TENM2: variants seen among roughly 807,000 people sequenced by gnomAD.
TENM2 encodes teneurin-2.
TENM2 carries 52 observed loss-of-function variants against 245.2 expected under a neutral mutation model. The observed-to-expected ratio is 0.21, with a 90% confidence interval of 0.17 to 0.27. The LOEUF (loss-of-function observed/expected upper bound fraction) is 0.27. Among genes scored for constraint, TENM2 ranks in the 10% least tolerant of loss-of-function variants. TENM2 has a pLI of 1.00. For synonymous variants in TENM2, 1,363 were observed against 1,438.9 expected (o/e 0.95, Z 1.19); for missense variants, 3,046 against 3,666.8 (o/e 0.83, Z 4.37).
intron 2 of TENM2, among the ~76,000 whole-genome samples, chr5:167,467,093 G>C (rs762931855): frequency 6.6e-6 from 1 of 152,018 alleles, no homozygotes; most frequent in African/African-American, 2.4e-5. Flanking sequence ...TAGTATCCCC[G>C]CTGAAATCTC....
At chr5:167,492,706 G>A (rs1321369287) in intron 2 of TENM2, among the ~76,000 whole-genome samples, 3 of 152,022 alleles carry the variant, frequency 2.0e-5, no homozygotes, top group African/African-American at 7.2e-5. Context: ...AAAAAACCTG[G>A]GGACACAACC....
intron 2 of TENM2, among the ~76,000 whole-genome samples, chr5:167,448,429 A>G (rs1765363396): frequency 6.6e-6 from 1 of 151,534 alleles, no homozygotes; most frequent in Non-Finnish European, 1.5e-5. Flanking sequence ...TTCTTGTTTA[A>G]TGGGAGAACA....
intron 5 of TENM2, among the ~76,000 whole-genome samples, chr5:168,002,183 C>T (rs1784460363): frequency 6.6e-6 from 1 of 152,176 alleles, no homozygotes; most frequent in Non-Finnish European, 1.5e-5. Flanking sequence ...ACATTTCTTT[C>T]ATCATGACTT....
intron 2 of TENM2, among the ~76,000 whole-genome samples, chr5:167,823,432 A>G (rs188922899): frequency 6.6e-6 from 1 of 152,260 alleles, no homozygotes; most frequent in Non-Finnish European, 1.5e-5. Flanking sequence ...CAAGTCTACA[A>G]ACCCTTCCCC....
chr5:167,541,470 T>C (rs1772209144), intron 2 of TENM2, among the ~76,000 whole-genome samples: 1 of 152,126 alleles, frequency 6.6e-6, no homozygotes, highest in Non-Finnish European at 1.5e-5. Flanking sequence ...ATTAAAAACT[T>C]TAAAAATTAT....
intron 4 of TENM2, among the ~76,000 whole-genome samples, chr5:167,954,036 C>T (rs1236124972): frequency 6.6e-6 from 1 of 152,012 alleles, no homozygotes; most frequent in East Asian, 1.9e-4. Flanking sequence ...AATAAATATC[C>T]TTGATCTCAA....
intron 4 of TENM2, among the ~76,000 whole-genome samples, chr5:167,974,705 T>A (rs1229513687): frequency 6.6e-6 from 1 of 152,164 alleles, no homozygotes. Context: ...CTGCACAGGT[T>A]AAAGGTGAGG....
At chr5:167,824,599 C>T (rs566351035) in intron 2 of TENM2, among the ~76,000 whole-genome samples, 87 of 152,226 alleles carry the variant, frequency 5.7e-4, no homozygotes, top group Non-Finnish European at 9.7e-4. Context: ...AAGCTGGCAC[C>T]CAAGGCATGA....
At chr5:167,420,444 G>A (rs952768100) in intron 2 of TENM2, among the ~76,000 whole-genome samples, 6 of 152,034 alleles carry the variant, frequency 3.9e-5, no homozygotes. Context: ...TTCTCAGCAG[G>A]GGAGCCCTGG....
chr5:167,497,802 T>C (rs1562003608), intron 2 of TENM2, among the ~76,000 whole-genome samples: 1 of 152,018 alleles, frequency 6.6e-6, no homozygotes, highest in Non-Finnish European at 1.5e-5. Context: ...AAAGGCGACT[T>C]AGTAATTAAA....
At chr5:168,069,864 G>A (rs866137088) in intron 7 of TENM2, among the ~76,000 whole-genome samples, 6 of 152,264 alleles carry the variant, frequency 3.9e-5, no homozygotes, top group South Asian at 4.1e-4. Context: ...CTTCTTGAAC[G>A]TGTCAGAGGA....
chr5:167,305,072 C>T (rs2127742768), intron 1 of TENM2, among the ~76,000 whole-genome samples: 2 of 152,290 alleles, frequency 1.3e-5, no homozygotes, highest in Middle Eastern at 6.8e-3. Context: ...GACCACCATA[C>T]CTCTTTTCCT....
At chr5:167,870,310 T>C (rs1772699687) in intron 2 of TENM2, among the ~76,000 whole-genome samples, 1 of 152,122 alleles carries the variant, frequency 6.6e-6, no homozygotes, top group Non-Finnish European at 1.5e-5. Context: ...ACTCATGAGT[T>C]TGGGATTCAC....
intron 2 of TENM2, among the ~76,000 whole-genome samples, chr5:167,725,275 TTTTG>T (rs1460542673): frequency 2.0e-5 from 3 of 152,336 alleles, no homozygotes; most frequent in South Asian, 4.1e-4. Flanking sequence ...TTAAAGATGC[TTTTG>T]TTTGAGTATC....
intron 16 of TENM2, 40 bp downstream of exon 18, chr5:168,199,154 C>A: frequency 6.3e-7 from 1 of 1,585,204 alleles, no homozygotes; most frequent in Non-Finnish European, 8.6e-7. Context: ...TCAGGACTTC[C>A]CTAACGAAAA....
At chr5:167,098,735 G>A in the TENM2 span, among the ~76,000 whole-genome samples, 30 of 152,288 alleles carry the variant, frequency 2.0e-4, no homozygotes, top group Admixed American at 8.5e-4. Context: ...CTCAGTTCCC[G>A]TGACTGGGGA....
chr5:167,166,714 T>C, the TENM2 span, among the ~76,000 whole-genome samples: 1 of 152,154 alleles, frequency 6.6e-6, no homozygotes, highest in African/African-American at 2.4e-5. Flanking sequence ...TCATTTAATA[T>C]CTGGCATCCA....
chr5:167,724,484 C>T (rs962451802), intron 2 of TENM2, among the ~76,000 whole-genome samples: 1 of 151,820 alleles, frequency 6.6e-6, no homozygotes, highest in Non-Finnish European at 1.5e-5. Context: ...GAGGGATGTA[C>T]AGGACAAATA....
the TENM2 span, among the ~76,000 whole-genome samples, chr5:167,230,989 T>C: frequency 6.6e-6 from 1 of 152,172 alleles, no homozygotes; most frequent in Non-Finnish European, 1.5e-5. Context: ...TGAGATCTGA[T>C]GGTTTTATTA....
Sources: gnomAD v4.1 joint callset for allele counts (sites outside exome capture counted in the v4.1 genomes callset) on GRCh38, gnomAD v4.1.1 for gene constraint, MANE v1.5 for transcripts, NCBI Gene and HGNC (gene_info 2026-07-23, HGNC 2026-07-21) for gene names.